Variants in AVEN observed in about 807,000 individuals in gnomAD.
The protein encoded by AVEN is cell death regulator Aven.
In AVEN, 41 loss-of-function variants were observed where a neutral mutation model predicts 38.1. The ratio of observed to expected loss-of-function variants is 1.08; its 90% confidence interval spans 0.84 to 1.40. The LOEUF is 1.40. Ranked by LOEUF, AVEN falls within the 40% of genes most tolerant of loss-of-function variation. The pLI is 0.00. For synonymous variants in AVEN, 206 were observed against 171.8 expected (o/e 1.20, Z -1.56); for missense variants, 605 against 438.8 (o/e 1.38, Z -3.38).
intron 2 of AVEN, among the ~76,000 whole-genome samples, chr15:33,892,175 T>C (rs1233818707): frequency 2.0e-5 from 3 of 152,204 alleles, no homozygotes; most frequent in African/African-American, 7.2e-5. Flanking sequence ...ATTCTGTAGG[T>C]TGCCTGTTCA....
At chr15:33,937,887 T>C (rs1489531756) in intron 2 of AVEN, among the ~76,000 whole-genome samples, 1 of 135,504 alleles carries the variant, frequency 7.4e-6, no homozygotes, top group African/African-American at 2.7e-5. Context: ...TCATCCAGTA[T>C]ATGGTATTTA....
At chr15:34,031,694 G>A (rs1322803709) in intron 1 of AVEN, among the ~76,000 whole-genome samples, 4 of 152,092 alleles carry the variant, frequency 2.6e-5, no homozygotes, top group Admixed American at 2.6e-4. Flanking sequence ...ATGGGCGGTA[G>A]GAAACAGCAT....
upstream of AVEN, among the ~76,000 whole-genome samples, chr15:34,042,650 G>A (rs1432701540): frequency 6.6e-6 from 1 of 151,762 alleles, no homozygotes; most frequent in Non-Finnish European, 1.5e-5. Context: ...TGATCCATCC[G>A]CCTCAGCCTC....
chr15:33,931,594 T>A (rs1160774759), intron 2 of AVEN, among the ~76,000 whole-genome samples: 3 of 152,000 alleles, frequency 2.0e-5, no homozygotes, highest in Non-Finnish European at 4.4e-5. Flanking sequence ...ATGGTCTTGA[T>A]CTCCTGACCT....
intron 5 of AVEN, among the ~76,000 whole-genome samples, chr15:34,058,315 C>G (rs1371026405): frequency 6.6e-6 from 1 of 152,102 alleles, no homozygotes; most frequent in African/African-American, 2.4e-5. Context: ...AACCATCACA[C>G]TATTGATAAA....
chr15:34,068,457 T>A (rs1276880738), intron 2 of AVEN, among the ~76,000 whole-genome samples: 1 of 152,140 alleles, frequency 6.6e-6, no homozygotes, highest in Non-Finnish European at 1.5e-5. Context: ...TCCACCCGAT[T>A]TGGCCTGGCA....
intron 2 of AVEN, among the ~76,000 whole-genome samples, chr15:33,927,429 A>C (rs1893664018): frequency 1.3e-5 from 2 of 152,200 alleles, no homozygotes; most frequent in Non-Finnish European, 2.9e-5. Context: ...ATGATAGTTA[A>C]TTCATCTCAA....
intron 2 of AVEN, among the ~76,000 whole-genome samples, chr15:33,939,560 C>G (rs1380262029): frequency 6.6e-6 from 1 of 152,210 alleles, no homozygotes; most frequent in Non-Finnish European, 1.5e-5. Flanking sequence ...AATTATCAAA[C>G]TACGAACCAG....
At position 33,954,415 on chromosome 15, in the gene AVEN, A is replaced by G. The variant is rs529602807; in HGVS notation, c.445+48617T>C. ...TTGGAACCAACCCAAATGTCCATCAATGATAGACTGGATGAAGAAAATGTG... is the reference window on the plus strand; with the variant it reads ...TTGGAACCAACCCAAATGTCCATCAGTGATAGACTGGATGAAGAAAATGTG... On this transcript the variant is annotated intron_variant, in intron 2 of 5. Coordinates refer to ENST00000306730, the MANE Select transcript of AVEN (RefSeq NM_020371.3). Among the ~76,000 whole-genome samples the G allele has an allele frequency of 5.9e-5, 9 of 152,266 alleles. No homozygotes were observed. The East Asian group carries it at 7.7e-4, about 13-fold the overall frequency.
chr15:33,920,263 T>C (rs1893344642), intron 2 of AVEN, among the ~76,000 whole-genome samples: 1 of 152,228 alleles, frequency 6.6e-6, no homozygotes, highest in South Asian at 2.1e-4. Flanking sequence ...ATTAAGTATA[T>C]GCATATTGTC....
intron 2 of AVEN, among the ~76,000 whole-genome samples, chr15:33,920,985 A>C (rs1057202116): frequency 3.3e-5 from 5 of 152,178 alleles, no homozygotes; most frequent in Admixed American, 1.3e-4. Context: ...CATGTTGCCC[A>C]GGCTAGTTTG....
chr15:34,074,153 A>G (rs1348031377), intron 1 of AVEN, among the ~76,000 whole-genome samples: 1 of 151,076 alleles, frequency 6.6e-6, no homozygotes, highest in African/African-American at 2.4e-5. Flanking sequence ...GCACGCCACC[A>G]CACCCAGCTA....
At chr15:33,963,144 CA>C (rs1426536697) in intron 2 of AVEN, among the ~76,000 whole-genome samples, 1 of 152,034 alleles carries the variant, frequency 6.6e-6, no homozygotes, top group Non-Finnish European at 1.5e-5. Context: ...TCCCTTCCAG[CA>C]GTAAAATTAA....
chr15:33,916,457 T>C (rs574963095), intron 2 of AVEN, among the ~76,000 whole-genome samples: 9 of 151,968 alleles, frequency 5.9e-5, no homozygotes, highest in South Asian at 2.1e-4. Context: ...AAAGGACTAA[T>C]AACCGGAATT....
At chr15:34,004,197 C>G (rs866480207) in intron 1 of AVEN, among the ~76,000 whole-genome samples, 1 of 152,116 alleles carries the variant, frequency 6.6e-6, no homozygotes, top group African/African-American at 2.4e-5. Context: ...AAAAAAGTTC[C>G]CTGTATTACA....
Position 34,022,172 on chromosome 15 carries a change from C to T in AVEN, c.267+16608G>A, listed in dbSNP as rs117449754. Among the ~76,000 whole-genome samples the T allele has an allele frequency of 4.4e-3, 663 of 152,280 alleles. 2 individuals carry two copies. Among genetic ancestry groups the T allele is most frequent in the Non-Finnish European group, 6.3e-3 (431 of 68,014 alleles). On this transcript the variant is annotated intron_variant, in intron 1 of 5. Coordinates refer to ENST00000306730, the MANE Select transcript of AVEN (RefSeq NM_020371.3). ...TCTAGCTGAACTGCTTTCTATTGCT[C>T]CTCAGACATCAAATGAATGGCATCA...
chr15:33,938,628 T>C (rs2153053073), intron 2 of AVEN, among the ~76,000 whole-genome samples: 1 of 152,288 alleles, frequency 6.6e-6, no homozygotes. Context: ...AAATCTCAAC[T>C]ACTTGCTGGA....
At chr15:33,859,566 C>G (rs959768230) in intron 11 of AVEN, 1 of 1,612,628 alleles carries the variant, frequency 6.2e-7, no homozygotes, top group African/African-American at 1.3e-5. Context: ...CCTTATTTTT[C>G]TTCTCTAGTG....
chr15:34,005,725 C>T (rs562578535), intron 1 of AVEN, among the ~76,000 whole-genome samples: 1 of 152,316 alleles, frequency 6.6e-6, no homozygotes, highest in East Asian at 1.9e-4. Flanking sequence ...GTTCCCCAAC[C>T]ATTCACTTAA....
Sources: gnomAD v4.1 joint callset for allele counts (sites outside exome capture counted in the v4.1 genomes callset) on GRCh38, gnomAD v4.1.1 for gene constraint, MANE v1.5 for transcripts, NCBI Gene and HGNC (gene_info 2026-07-23, HGNC 2026-07-21) for gene names.